The following PDXDC1 variants were observed in gnomAD, a reference collection of about 807,000 sequenced individuals.
PDXDC1 encodes pyridoxal-dependent decarboxylase domain-containing protein 1.
A neutral mutation model predicts 100.1 loss-of-function variants in PDXDC1; 42 were observed. The ratio of observed to expected loss-of-function variants is 0.42; its 90% confidence interval spans 0.33 to 0.54. The LOEUF is 0.54. PDXDC1 is among the 20% of genes least tolerant of loss of function. The probability of loss-of-function intolerance (pLI) is 0.10; values close to 1 mark genes in which losing one functional copy is unlikely to be tolerated. For missense variants in PDXDC1, 636 were observed against 979.2 expected (o/e 0.65, Z 4.68); for synonymous variants, 260 against 371.7 (o/e 0.70, Z 3.46).
At position 14,990,095 on chromosome 16, in the gene PDXDC1, G is replaced by A. The variant is rs1265691206; in HGVS notation, c.22-7658G>A. ...GCAGTAGGAGGCCAAGCAGGCAGAG[G>A]AGGCGGCGGGCCCAGCTGCTCGACA... is the stretch of plus-strand genomic sequence containing the variant. On this transcript the variant is annotated intron_variant, in intron 1 of 22. Coordinates refer to ENST00000396410, the MANE Select transcript of PDXDC1 (RefSeq NM_015027.4). The A allele has an allele frequency of 4.0e-6, 6 of 1,487,712 alleles. No individual in the cohort carries two copies. The African/African-American group carries it at 5.8e-5, about 14-fold the overall frequency. 92.2% of individuals were successfully genotyped at this position (1,487,712 alleles called of 1,614,324 possible). A position where few individuals can be genotyped will look rare whatever the true frequency, so the allele number is the denominator to read the frequency against.
At chr16:15,038,650 C>G (rs370043410), downstream of PDXDC1, 2 of 1,606,014 alleles carry the variant, frequency 1.2e-6, no homozygotes, top group Non-Finnish European at 1.7e-6. Flanking sequence ...CGGTCCTATA[C>G]GAAGTTGTTC....
intron 3 of PDXDC1, 74 bp downstream of exon 3, chr16:14,998,479 C>G (rs891308788): frequency 3.3e-6 from 5 of 1,523,156 alleles, no homozygotes; most frequent in Non-Finnish European, 4.5e-6. Context: ...GAGTCGTGCT[C>G]TGTTGCCCAG....
chr16:15,110,614 G>A lies in PDXDC1; in HGVS notation c.1400-28265G>A, dbSNP rs960012219. The A allele has an allele frequency of 6.3e-6, 10 of 1,575,692 alleles. No homozygotes were observed. In the African/African-American group the frequency reaches 9.4e-5, roughly 15 times the overall value. ...GCATACAAATGGACTTCAGCCCTTG[G>A]TGAGAGTGAGGAGAGGAGAAGGTGA... is the stretch of plus-strand genomic sequence containing the variant. On this transcript the variant is annotated intron_variant, in intron 16 of 16. Coordinates refer to the PDXDC1 transcript ENST00000535621.
At chr16:15,075,751 G>A (rs1343362421) in intron 16 of PDXDC1, among the ~76,000 whole-genome samples, 1 of 152,096 alleles carries the variant, frequency 6.6e-6, no homozygotes, top group Non-Finnish European at 1.5e-5. Flanking sequence ...AAAAATCACA[G>A]ATGCCCCCTA....
intron 16 of PDXDC1, among the ~76,000 whole-genome samples, chr16:15,052,350 T>C (rs183015880): frequency 2.0e-5 from 3 of 152,368 alleles, no homozygotes; most frequent in East Asian, 1.9e-4. Context: ...TCTTGGCCTA[T>C]AGGCTATACA....
chr16:15,032,202 A>C (rs532251798), intron 17 of PDXDC1: 29 of 396,206 alleles, frequency 7.3e-5, no homozygotes, highest in African/African-American at 5.5e-4. Context: ...GTTACTATCC[A>C]GGGCATATAG....
chr16:15,054,681 T>A (rs893247131), intron 16 of PDXDC1, among the ~76,000 whole-genome samples: 7 of 152,174 alleles, frequency 4.6e-5, no homozygotes, highest in Admixed American at 2.6e-4. Flanking sequence ...TCAGAACACG[T>A]TCAGGGGTCA....
chr16:15,047,698 T>C, intron 16 of PDXDC1: 1 of 901,136 alleles, frequency 1.1e-6, no homozygotes. Context: ...AGCCAACCCA[T>C]TCTGACCAGG....
At chr16:15,140,398 C>G (rs1426342302), downstream of PDXDC1, among the ~76,000 whole-genome samples, 2 of 145,178 alleles carry the variant, frequency 1.4e-5, no homozygotes, top group Non-Finnish European at 1.5e-5. Context: ...GAGCTGAGAT[C>G]GCGCCCCTGC....
intron 14 of PDXDC1, among the ~76,000 whole-genome samples, chr16:15,027,266 T>G (rs774251782): frequency 8.5e-5 from 13 of 152,284 alleles, no homozygotes; most frequent in Non-Finnish European, 1.6e-4. Flanking sequence ...GTGGCTCGCT[T>G]CTTCAGTGCC....
At chr16:15,143,053 G>A (rs979308838), downstream of PDXDC1, among the ~76,000 whole-genome samples, 2 of 152,162 alleles carry the variant, frequency 1.3e-5, no homozygotes, top group African/African-American at 2.4e-5. Context: ...GTGCTCCCAG[G>A]GAAGCTGAAG....
At chr16:15,021,674 T>C (rs2042220429) in intron 12 of PDXDC1, among the ~76,000 whole-genome samples, 1 of 152,296 alleles carries the variant, frequency 6.6e-6, no homozygotes, top group Non-Finnish European at 1.5e-5. Context: ...ATTTGAATGC[T>C]GTCCTGCTGC....
intron 16 of PDXDC1, chr16:15,133,805 G>A (rs1357523407): frequency 8.2e-6 from 13 of 1,586,090 alleles, no homozygotes; most frequent in East Asian, 2.3e-5. Context: ...CCGTGCATTC[G>A]AAGTGCACCT....
intron 16 of PDXDC1, among the ~76,000 whole-genome samples, chr16:15,132,569 T>A (rs550749006): frequency 6.6e-6 from 1 of 151,224 alleles, no homozygotes; most frequent in East Asian, 2.0e-4. Context: ...CTGAGGCTAC[T>A]GAAGCAGGTC....
intron 1 of PDXDC1, among the ~76,000 whole-genome samples, chr16:14,993,414 T>C (rs1206130254): frequency 3.9e-5 from 6 of 152,232 alleles, no homozygotes; most frequent in East Asian, 1.9e-4. Context: ...GTCCTTGAGA[T>C]AGTTTGCTGA....
chr16:15,051,698 A>AT (rs61437077), intron 16 of PDXDC1, among the ~76,000 whole-genome samples: 12,007 of 122,336 alleles, frequency 0.098, 777 homozygotes, highest in East Asian at 0.24. Context: ...TTTATTTTTA[A>AT]TTTTTTTTTT....
At chr16:15,029,811 T>C (rs1292580050) in intron 15 of PDXDC1, 140 bp from the exon 16 acceptor site, 3 of 679,220 alleles carry the variant, frequency 4.4e-6, no homozygotes, top group East Asian at 2.8e-5. Flanking sequence ...AAAAAGCTGC[T>C]CTAAGTAATC....
chr16:15,008,382 A>G (rs1379057646), intron 6 of PDXDC1, among the ~76,000 whole-genome samples: 1 of 152,296 alleles, frequency 6.6e-6, no homozygotes. Context: ...CATAAATAAG[A>G]TACTGTTCTT....
At chr16:15,131,079 G>A (rs1374251021) in intron 16 of PDXDC1, 22 of 1,605,082 alleles carry the variant, frequency 1.4e-5, no homozygotes, top group Non-Finnish European at 1.8e-5. Flanking sequence ...CTCACCCGCT[G>A]CACGCACCGT....
Sources: gnomAD v4.1 joint callset for allele counts (sites outside exome capture counted in the v4.1 genomes callset) on GRCh38, gnomAD v4.1.1 for gene constraint, MANE v1.5 for transcripts, NCBI Gene and HGNC (gene_info 2026-07-23, HGNC 2026-07-21) for gene names.